The following NTRK3 variants were observed in gnomAD, a reference collection of about 807,000 sequenced individuals.
NTRK3 encodes NT-3 growth factor receptor.
NTRK3 carries 24 observed loss-of-function variants against 91.7 expected under a neutral mutation model. The observed-to-expected ratio is 0.26, with a 90% CI of 0.19 to 0.37. The LOEUF (loss-of-function observed/expected upper bound fraction) is 0.37. Among genes scored for constraint, NTRK3 ranks in the 10% least tolerant of loss-of-function variants. The pLI, the probability that NTRK3 is intolerant of heterozygous loss-of-function variation, is 1.00. For synonymous variants in NTRK3, 483 were observed against 404.0 expected, an observed-to-expected ratio of 1.20 and a Z score of -2.34; for missense variants, 880 against 1,068.9, an observed-to-expected ratio of 0.82 and a Z score of 2.46.
chr15:88,074,563 C>T (rs2047372262), intron 13 of NTRK3, among the ~76,000 whole-genome samples: 1 of 152,224 alleles, frequency 6.6e-6, no homozygotes, highest in Non-Finnish European at 1.5e-5. Context: ...ACAGGATTCT[C>T]ACCCAGGCCC....
At position 88,255,819 on chromosome 15, in the gene NTRK3, G is replaced by A. The variant is rs2053995671; in HGVS notation, c.248+87C>T. 5 of 1,213,606 alleles carry A rather than the reference G, an allele frequency of 4.1e-6. No individual in the cohort carries two copies. In the Admixed American group the frequency reaches 1.6e-4, roughly 38 times the overall value. The allele number at this position is 1,213,606 out of a possible 1,614,324, so 75.2% of individuals were successfully genotyped here. On this transcript the variant is annotated intron_variant, in intron 3 of 18. Coordinates refer to ENST00000394480, the Ensembl canonical transcript of NTRK3. This position sits in a 1 kb window ranked among gnomAD's most constrained non-coding sequence, Gnocchi z 4.3. ...GGCGGGCAGCGGCGAGCTGGGGCGG[G>A]CGGAGGGCCGGCTCCCGGCCGCGGG...
At chr15:88,027,084 T>C (rs932754225) in intron 14 of NTRK3, among the ~76,000 whole-genome samples, 2 of 152,070 alleles carry the variant, frequency 1.3e-5, no homozygotes, top group East Asian at 3.9e-4. Flanking sequence ...CCTCCAGCCT[T>C]GCTGAGTATA....
intron 17 of NTRK3, among the ~76,000 whole-genome samples, chr15:87,899,962 T>C (rs1329364997): frequency 6.6e-6 from 1 of 152,154 alleles, no homozygotes; most frequent in Non-Finnish European, 1.5e-5. Context: ...CTTCATCCAA[T>C]GGAAAATGGG....
rs971821943 is a variant in NTRK3 at position 88,235,876 on chromosome 15, C to G, written c.248+20030G>C. On this transcript the variant is annotated intron_variant, in intron 3 of 18. Coordinates refer to ENST00000394480, the Ensembl canonical transcript of NTRK3. The surrounding 1 kb of genome is among the most constrained non-coding windows in gnomAD (Gnocchi z 5.2). The stretch of plus-strand genomic sequence containing the variant: ...CACCTACCAGTTGGATGACCTTGAA[C>G]AAGTGACGCCACCCTTCTTCCCCTC... 6.6e-6 allele frequency among the ~76,000 whole-genome samples: 1 copy of G among 152,234 alleles called. No individual in the cohort carries two copies. The highest frequency in any genetic ancestry group is 2.4e-5 in the African/African-American group (1 of 41,466).
chr15:87,988,504 G>A (rs2075030346), intron 14 of NTRK3, among the ~76,000 whole-genome samples: 1 of 152,178 alleles, frequency 6.6e-6, no homozygotes, highest in Non-Finnish European at 1.5e-5. Context: ...TACAATAGGA[G>A]AAACTGGATG....
chr15:87,924,538 C>A (rs936451573), intron 17 of NTRK3, among the ~76,000 whole-genome samples: 3 of 152,158 alleles, frequency 2.0e-5, no homozygotes, highest in Non-Finnish European at 4.4e-5. Flanking sequence ...CCTACCAGAA[C>A]CTGAAGTGGG....
At chr15:87,916,365 C>T in intron 17 of NTRK3, 1 of 498,560 alleles carries the variant, frequency 2.0e-6, no homozygotes, top group Non-Finnish European at 3.6e-6. Flanking sequence ...CCTGTTATGA[C>T]ACATCCGTAA....
chr15:88,170,956 T>C (rs929791677), intron 5 of NTRK3, among the ~76,000 whole-genome samples: 2 of 152,114 alleles, frequency 1.3e-5, no homozygotes, highest in African/African-American at 4.8e-5. Flanking sequence ...CTCTAGAGAA[T>C]TCAACCCCTC....
chr15:87,861,027 C>T, exon 19 of NTRK3: 1 of 225,494 alleles, frequency 4.4e-6, no homozygotes, highest in Non-Finnish European at 8.8e-6. Flanking sequence ...TTTCCAAAAT[C>T]TGTAAAATTA....
chr15:87,863,922 A>G, exon 19 of NTRK3: 1 of 232,436 alleles, frequency 4.3e-6, no homozygotes, highest in East Asian at 6.0e-5. Flanking sequence ...GAGAAAGTAT[A>G]AACTCATAAA....
At chr15:87,915,549 T>G (rs989927464) in intron 17 of NTRK3, among the ~76,000 whole-genome samples, 3 of 152,232 alleles carry the variant, frequency 2.0e-5, no homozygotes, top group African/African-American at 7.2e-5. Flanking sequence ...TCAACTCAAA[T>G]GTCTAAACCA....
chr15:88,236,000 T>C lies in NTRK3; in HGVS notation c.248+19906A>G, dbSNP rs1296407479. 6.6e-6 allele frequency among the ~76,000 whole-genome samples: 1 copy of C among 152,164 alleles called. No homozygotes were observed. Among genetic ancestry groups the C allele is most frequent in the East Asian group, 1.9e-4 (1 of 5,188 alleles). The stretch of plus-strand genomic sequence containing the variant: ...AGATTAATCAAAAACAGTCCTAGAG[T>C]GTAAACTGTTACAACCACTTCGGAA... On this transcript the variant is annotated intron_variant, in intron 3 of 18. Coordinates refer to ENST00000394480, the Ensembl canonical transcript of NTRK3. The surrounding 1 kb of genome is among the most constrained non-coding windows in gnomAD (Gnocchi z 5.2).
chr15:88,040,910 A>G (rs2079546717), intron 13 of NTRK3, among the ~76,000 whole-genome samples: 2 of 152,218 alleles, frequency 1.3e-5, no homozygotes, highest in African/African-American at 4.8e-5. Context: ...TTAATCAACA[A>G]CAAAACCTAT....
intron 17 of NTRK3, among the ~76,000 whole-genome samples, chr15:87,881,966 G>T (rs571501593): frequency 6.6e-6 from 1 of 152,096 alleles, no homozygotes; most frequent in Non-Finnish European, 1.5e-5. Context: ...CGCGATCTCC[G>T]CTCACTGCAA....
intron 14 of NTRK3, among the ~76,000 whole-genome samples, chr15:87,941,932 G>T (rs1254502684): frequency 6.6e-6 from 1 of 152,246 alleles, no homozygotes; most frequent in African/African-American, 2.4e-5. Context: ...ACATTTTGAA[G>T]AGCATTGCTG....
intron 5 of NTRK3, among the ~76,000 whole-genome samples, chr15:88,161,109 A>G (rs2044411148): frequency 3.3e-5 from 5 of 152,196 alleles, no homozygotes; most frequent in Admixed American, 1.3e-4. Context: ...TGAGGTGGTA[A>G]TAGTAATAGC....
chr15:88,135,772 C>T, intron 9 of NTRK3, 127 bp downstream of exon 9: 1 of 1,288,256 alleles, frequency 7.8e-7, no homozygotes, highest in Non-Finnish European at 1.1e-6. Context: ...TACAAGAGTC[C>T]TTCTGTCCCT....
At chr15:87,997,998 A>G (rs1182133837) in intron 14 of NTRK3, among the ~76,000 whole-genome samples, 1 of 152,216 alleles carries the variant, frequency 6.6e-6, no homozygotes, top group Non-Finnish European at 1.5e-5. Context: ...GCTCTAAAGA[A>G]GGTAATGTAG....
At chr15:87,965,949 G>C (rs907302783) in intron 14 of NTRK3, among the ~76,000 whole-genome samples, 2 of 151,900 alleles carry the variant, frequency 1.3e-5, no homozygotes, top group African/African-American at 2.4e-5. Context: ...GTGGTGGCGG[G>C]CACCTGTAAT....
Sources: gnomAD v4.1 joint callset for allele counts (sites outside exome capture counted in the v4.1 genomes callset) on GRCh38, gnomAD v4.1.1 for gene constraint, Gnocchi (gnomAD v3.1) non-coding constraint, MANE v1.5 for transcripts, NCBI Gene and HGNC (gene_info 2026-07-23, HGNC 2026-07-21) for gene names.